Variants in RPIA observed in about 807,000 individuals in gnomAD.
RPIA encodes ribose-5-phosphate isomerase.
In RPIA, 29 loss-of-function variants were observed where a neutral mutation model predicts 37.8. The observed-to-expected ratio is 0.77, with a 90% CI of 0.57 to 1.05. The LOEUF is 1.05. Ranked by LOEUF, RPIA falls within the 50% of genes least tolerant of loss-of-function variation. The pLI is 0.00. For synonymous variants in RPIA, 167 were observed against 157.0 expected, an observed-to-expected ratio of 1.06 and a Z score of -0.48; for missense variants, 385 against 413.6, an observed-to-expected ratio of 0.93 and a Z score of 0.60.
intron 3 of RPIA, among the ~76,000 whole-genome samples, chr2:88,701,062 G>A (rs747835833): frequency 6.6e-6 from 1 of 152,128 alleles, no homozygotes; most frequent in Non-Finnish European, 1.5e-5. Flanking sequence ...AGAGGTTAAG[G>A]TTCCTTCTAA....
At chr2:88,704,852 A>G (rs189115268) in intron 3 of RPIA, among the ~76,000 whole-genome samples, 59 of 152,362 alleles carry the variant, frequency 3.9e-4, no homozygotes, top group African/African-American at 1.3e-3. Context: ...CCTTAAGCTG[A>G]TAAGCAACTT....
chr2:88,713,055 G>C (rs371974205), intron 3 of RPIA, among the ~76,000 whole-genome samples: 7 of 143,028 alleles, frequency 4.9e-5, no homozygotes, highest in Non-Finnish European at 7.5e-5. Flanking sequence ...ATTTTTAGTA[G>C]AGACGAGGTT....
intron 4 of RPIA, among the ~76,000 whole-genome samples, chr2:88,730,191 T>C (rs1673247606): frequency 5.7e-5 from 2 of 35,296 alleles, no homozygotes; most frequent in Non-Finnish European, 8.4e-5. Flanking sequence ...TTCCAATCAA[T>C]AGAAAAAGAG....
chr2:88,721,896 G>GT (rs1045124009), intron 3 of RPIA, among the ~76,000 whole-genome samples: 3 of 149,204 alleles, frequency 2.0e-5, no homozygotes, highest in Admixed American at 6.7e-5. Flanking sequence ...TATATAAATG[G>GT]TTTTTTTTAA....
intron 3 of RPIA, among the ~76,000 whole-genome samples, chr2:88,725,725 T>C (rs1354714346): frequency 1.3e-5 from 2 of 152,200 alleles, no homozygotes; most frequent in Non-Finnish European, 2.9e-5. Flanking sequence ...AGAACTCCAA[T>C]AGATCTTTTT....
intron 8 of RPIA, among the ~76,000 whole-genome samples, chr2:88,741,636 T>A (rs1353766121): frequency 6.6e-6 from 1 of 152,126 alleles, no homozygotes; most frequent in Non-Finnish European, 1.5e-5. Flanking sequence ...TACTTTTGAG[T>A]TTTTTAAGGA....
chr2:88,699,864 C>A, intron 2 of RPIA, 145 bp from the exon 3 acceptor site: 1 of 820,482 alleles, frequency 1.2e-6, no homozygotes, highest in South Asian at 1.4e-5. Flanking sequence ...CCAACTTTCC[C>A]ACCAAGGAGG....
chr2:88,727,101 G>C (rs772934921), intron 3 of RPIA, among the ~76,000 whole-genome samples: 2 of 151,898 alleles, frequency 1.3e-5, no homozygotes, highest in Non-Finnish European at 2.9e-5. Context: ...GTGTGTGCGC[G>C]CGCATGTGTG....
chr2:88,733,783 A>G (rs1673280737), intron 4 of RPIA, among the ~76,000 whole-genome samples: 1 of 152,200 alleles, frequency 6.6e-6, no homozygotes, highest in Non-Finnish European at 1.5e-5. Context: ...TTAAAAATAT[A>G]CTCGGGGTTC....
chr2:88,728,761 T>G (rs1476195762), intron 3 of RPIA, among the ~76,000 whole-genome samples: 1 of 152,202 alleles, frequency 6.6e-6, no homozygotes, highest in Non-Finnish European at 1.5e-5. Flanking sequence ...GTGTGCTAAA[T>G]TTGCTGACTT....
rs1436248770 is a variant in RPIA, at chr2:88,736,523, CCTT to C, written c.597-8_597-6del. 21 of 1,614,126 alleles carry C rather than the reference CCTT, an allele frequency of 1.3e-5. No individual in the cohort carries two copies. Among genetic ancestry groups the C allele is most frequent in the African/African-American group, 4.0e-5 (3 of 75,046 alleles). ...TTTACTTTTATTGTACTTTCTGACT[CCTT>C]CTTTCCAGGAAAGATTCGAAGAATC... On this transcript the variant is annotated splice_polypyrimidine_tract_variant and intron_variant, in intron 6 of 8. Transcript: ENST00000283646.
At chr2:88,694,092 CA>C (rs983753972) in intron 1 of RPIA, among the ~76,000 whole-genome samples, 2 of 152,242 alleles carry the variant, frequency 1.3e-5, no homozygotes, top group African/African-American at 2.4e-5. Flanking sequence ...TCTGATGTTG[CA>C]CATACATGTG....
At chr2:88,736,857 C>T (rs561286287) in intron 7 of RPIA, among the ~76,000 whole-genome samples, 181 bp downstream of exon 7, 1 of 152,258 alleles carries the variant, frequency 6.6e-6, no homozygotes, top group South Asian at 2.1e-4. Context: ...CATTCAAACT[C>T]GTGTAGACAA....
Position 88,691,770 on chromosome 2 carries a change from C to A in RPIA, c.72C>A (p.Gly24=), listed in dbSNP as rs1433919932. 1.9e-6 allele frequency: 3 copies of A among 1,591,946 alleles called. No individual in the cohort carries two copies. The highest frequency in any genetic ancestry group is 2.6e-6 in the Non-Finnish European group (3 of 1,173,388). The change falls in exon 1 of 9, where the codon GGC becomes GGA. Residue 24 remains glycine (G), a synonymous_variant. Coordinates refer to ENST00000283646, the MANE Select transcript of RPIA (RefSeq NM_144563.3). The part of the protein sequence containing the change: ...VLAPLPGRAG[G]AASGGGGNSW... ...CCCCGCTGCCCGGGAGGGCCGGGGG[C>A]GCGGCCTCCGGCGGAGGAGGGAACA...
chr2:88,704,707 T>C (rs1014365358), intron 3 of RPIA, among the ~76,000 whole-genome samples: 1 of 152,216 alleles, frequency 6.6e-6, no homozygotes, highest in African/African-American at 2.4e-5. Flanking sequence ...AACATAGTAC[T>C]GGAAGTTCTG....
At chr2:88,708,805 G>A (rs1672927222) in intron 3 of RPIA, among the ~76,000 whole-genome samples, 1 of 148,776 alleles carries the variant, frequency 6.7e-6, no homozygotes, top group African/African-American at 2.5e-5. Flanking sequence ...CGCCCAGGCT[G>A]GAGTGCAGTG....
At chr2:88,701,737 T>C (rs987080775) in intron 3 of RPIA, among the ~76,000 whole-genome samples, 2 of 152,270 alleles carry the variant, frequency 1.3e-5, no homozygotes, top group Non-Finnish European at 2.9e-5. Flanking sequence ...CTTTCTGTTG[T>C]AATTCAGTAG....
At chr2:88,721,572 C>CA (rs781291708) in intron 3 of RPIA, among the ~76,000 whole-genome samples, 834 of 16,022 alleles carry the variant, frequency 0.052, 6 homozygotes, top group South Asian at 0.073. Context: ...CACACACACA[C>CA]CCCCCCCCCC....
At chr2:88,741,573 C>A (rs1056564086) in intron 8 of RPIA, among the ~76,000 whole-genome samples, 1 of 152,196 alleles carries the variant, frequency 6.6e-6, no homozygotes, top group Admixed American at 6.5e-5. Flanking sequence ...GACTTCTTTT[C>A]CTCTGGGTAG....
Sources: allele counts gnomAD v4.1 joint callset (sites outside exome capture counted in the v4.1 genomes callset), GRCh38; gene constraint gnomAD v4.1.1; transcripts MANE v1.5; gene names NCBI Gene and HGNC (gene_info 2026-07-23, HGNC 2026-07-21).